Variants in ZNF362 observed in about 807,000 individuals in gnomAD.
ZNF362 encodes rotund homolog.
A neutral mutation model predicts 42.9 loss-of-function variants in ZNF362; 11 were observed. The ratio of observed to expected loss-of-function variants is 0.26; its 90% confidence interval spans 0.16 to 0.42. The LOEUF is 0.42. Ranked by LOEUF, ZNF362 falls within the 20% of genes least tolerant of loss-of-function variation. The pLI is 1.00. For synonymous variants in ZNF362, 255 were observed against 257.3 expected (o/e 0.99, Z 0.09); for missense variants, 362 against 576.2 (o/e 0.63, Z 3.81).
At chr1:33,262,568 A>G (rs1645836538) in intron 1 of ZNF362, among the ~76,000 whole-genome samples, 1 of 152,068 alleles carries the variant, frequency 6.6e-6, no homozygotes, top group Middle Eastern at 3.4e-3. Context: ...TGGCCTCCCA[A>G]AGTGCTGGGA....
the ZNF362 span, among the ~76,000 whole-genome samples, chr1:33,238,361 A>T: frequency 1.1e-3 from 54 of 49,544 alleles, 1 homozygote; most frequent in Admixed American, 4.6e-3. Context: ...AATAAAATAA[A>T]ATAATAAAAT....
chr1:33,209,180 T>G, the ZNF362 span, among the ~76,000 whole-genome samples: 8 of 152,242 alleles, frequency 5.3e-5, no homozygotes, highest in South Asian at 1.7e-3. Context: ...GAGATAATCA[T>G]GTGGTTTTTG....
At chr1:33,204,951 A>G in the ZNF362 span, among the ~76,000 whole-genome samples, 5 of 152,244 alleles carry the variant, frequency 3.3e-5, no homozygotes, top group African/African-American at 1.2e-4. Flanking sequence ...GGATGAATCT[A>G]CAAGATATGT....
At chr1:33,201,187 A>G in the ZNF362 span, among the ~76,000 whole-genome samples, 9 of 152,354 alleles carry the variant, frequency 5.9e-5, no homozygotes, top group East Asian at 1.3e-3. Context: ...ACAAAGCCAC[A>G]ATGATAGTAG....
chr1:33,183,147 A>G, the ZNF362 span, among the ~76,000 whole-genome samples: 1 of 152,206 alleles, frequency 6.6e-6, no homozygotes, highest in African/African-American at 2.4e-5. Context: ...CTGGGGCCTC[A>G]GCAGTGGGTA....
the ZNF362 span, chr1:33,195,927 TA>T: frequency 6.6e-6 from 1 of 152,300 alleles, no homozygotes; most frequent in South Asian, 2.1e-4. Flanking sequence ...TTTAAACTTT[TA>T]AAAACTTTTG....
chr1:33,129,535 G>A, the ZNF362 span, among the ~76,000 whole-genome samples: 2 of 152,190 alleles, frequency 1.3e-5, no homozygotes, highest in Non-Finnish European at 2.9e-5. The surrounding 1 kb of genome is among the most constrained non-coding windows in gnomAD (Gnocchi z 4.1). Context: ...ATATGTTTAC[G>A]CATTGTGCAT....
chr1:33,147,480 C>T, the ZNF362 span: 10 of 1,612,862 alleles, frequency 6.2e-6, no homozygotes, highest in Middle Eastern at 4.9e-4. The surrounding 1 kb of genome is among the most constrained non-coding windows in gnomAD (Gnocchi z 8.1). Context: ...GGATGCTGCC[C>T]TTGCGGCTTG....
At chr1:33,238,910 A>G in the ZNF362 span, among the ~76,000 whole-genome samples, 1 of 152,160 alleles carries the variant, frequency 6.6e-6, no homozygotes, top group African/African-American at 2.4e-5. Context: ...AGGTGCCTCG[A>G]TCCTGGACTT....
chr1:33,127,659 A>G, the ZNF362 span, among the ~76,000 whole-genome samples: 2 of 152,370 alleles, frequency 1.3e-5, no homozygotes, highest in African/African-American at 4.8e-5. Flanking sequence ...GGATCTGGGT[A>G]AAAGAACCGA....
chr1:33,245,952 A>G, the ZNF362 span, among the ~76,000 whole-genome samples: 1 of 152,192 alleles, frequency 6.6e-6, no homozygotes, highest in Non-Finnish European at 1.5e-5. Context: ...ACAGAGAGAG[A>G]GAGGGAGGGG....
At chr1:33,207,463 C>T in the ZNF362 span, among the ~76,000 whole-genome samples, 1 of 152,098 alleles carries the variant, frequency 6.6e-6, no homozygotes, top group Non-Finnish European at 1.5e-5. Flanking sequence ...TGGGTATATA[C>T]CCACTAATGA....
At chr1:33,139,819 A>T in the ZNF362 span, among the ~76,000 whole-genome samples, 1 of 152,156 alleles carries the variant, frequency 6.6e-6, no homozygotes, top group Non-Finnish European at 1.5e-5. Flanking sequence ...GACAGGAGCC[A>T]CCAGCAGCTG....
chr1:33,169,670 G>A, the ZNF362 span, among the ~76,000 whole-genome samples: 1 of 152,304 alleles, frequency 6.6e-6, no homozygotes, highest in South Asian at 2.1e-4. Flanking sequence ...GTCCAGACGT[G>A]TGCTGTTCAA....
chr1:33,288,649 G>A (rs1335935463), intron 6 of ZNF362, among the ~76,000 whole-genome samples: 1 of 150,542 alleles, frequency 6.6e-6, no homozygotes, highest in Non-Finnish European at 1.5e-5. Flanking sequence ...GGAGGCTGAG[G>A]CAGGATAATC....
intron 1 of ZNF362, among the ~76,000 whole-genome samples, chr1:33,265,801 C>G (rs1350443591): frequency 1.3e-5 from 2 of 152,154 alleles, no homozygotes; most frequent in Non-Finnish European, 2.9e-5. Flanking sequence ...AGGGACCTCC[C>G]ATGTCCCCCC....
chr1:33,291,276 T>C (rs1327675908), intron 6 of ZNF362, among the ~76,000 whole-genome samples: 1 of 152,228 alleles, frequency 6.6e-6, no homozygotes, highest in Non-Finnish European at 1.5e-5. Context: ...TTCAGCTTTC[T>C]ACATATGGCT....
chr1:33,260,685 G>A (rs1213081101), intron 1 of ZNF362, among the ~76,000 whole-genome samples: 1 of 152,196 alleles, frequency 6.6e-6, no homozygotes, highest in Admixed American at 6.5e-5. Flanking sequence ...GTGTGGCTGG[G>A]GCTTTTGTAG....
chr1:33,192,969 G>GTC, the ZNF362 span, among the ~76,000 whole-genome samples: 1 of 122,828 alleles, frequency 8.1e-6, no homozygotes, highest in Non-Finnish European at 1.7e-5. Flanking sequence ...GTATATATAT[G>GTC]TCTCTCTCTC....
Sources: gnomAD v4.1 joint callset for allele counts (sites outside exome capture counted in the v4.1 genomes callset) on GRCh38, gnomAD v4.1.1 for gene constraint, Gnocchi (gnomAD v3.1) non-coding constraint, MANE v1.5 for transcripts, NCBI Gene and HGNC (gene_info 2026-07-23, HGNC 2026-07-21) for gene names.